The following NEK11 variants were observed in gnomAD, a reference collection of about 807,000 sequenced individuals.
NEK11 encodes serine/threonine-protein kinase Nek11.
NEK11 carries 72 observed loss-of-function variants against 80.7 expected under a neutral mutation model. That is an observed-to-expected ratio of 0.89 (90% CI 0.74 to 1.08). NEK11 has a LOEUF of 1.08. Ranked by LOEUF, NEK11 falls within the 50% of genes least tolerant of loss-of-function variation. NEK11 has a pLI of 0.00. For synonymous variants in NEK11, 251 were observed against 260.7 expected, an observed-to-expected ratio of 0.96 and a Z score of 0.36; for missense variants, 764 against 763.6, an observed-to-expected ratio of 1.00 and a Z score of -0.01.
At chr3:131,046,147 G>A (rs962279379) in intron 3 of NEK11, among the ~76,000 whole-genome samples, 1 of 151,924 alleles carries the variant, frequency 6.6e-6, no homozygotes. Flanking sequence ...TTCCTTATGC[G>A]GTTTGTTGCC....
chr3:131,248,795 T>C (rs771621296), intron 16 of NEK11, among the ~76,000 whole-genome samples: 3 of 152,156 alleles, frequency 2.0e-5, no homozygotes, highest in Non-Finnish European at 2.9e-5. Context: ...CTATTTTGCT[T>C]TTTCCATGTG....
Position 131,152,408 on chromosome 3 carries a change from A to G in NEK11, c.668A>G (p.Tyr223Cys). Residue 223 changes from tyrosine to cysteine, a missense_variant, in exon 8 of 18, where the codon TAT (tyrosine) becomes TGT (cysteine). Physicochemically the swap from Tyr to Cys is radical, Grantham distance 194. Transcript: ENST00000383366. ...SDIWSLACIL[Y>C]EMCCMNHAFA... is the part of the protein sequence containing the mutation. ...TTCAGGTCACTGGCATGCATTTTGT[A>G]TGAGATGTGCTGCATGAATCATGCA... 1 of 1,605,942 alleles carries G rather than the reference A, an allele frequency of 6.2e-7. No individual in the cohort carries two copies. Among genetic ancestry groups the G allele is most frequent in the Non-Finnish European group, 8.5e-7 (1 of 1,177,456 alleles).
intron 4 of NEK11, among the ~76,000 whole-genome samples, chr3:131,087,538 G>A (rs1291805133): frequency 2.0e-5 from 3 of 152,100 alleles, no homozygotes; most frequent in African/African-American, 7.2e-5. Flanking sequence ...CACCGTGCCC[G>A]GCCGCAAATT....
At chr3:131,287,913 A>G (rs2096492684) in intron 17 of NEK11, among the ~76,000 whole-genome samples, 1 of 152,216 alleles carries the variant, frequency 6.6e-6, no homozygotes. Flanking sequence ...TGGACATGAT[A>G]TAGATTTACA....
In NEK11 at chr3:131,313,774, A is replaced by G. The variant is rs528366267; in HGVS notation, c.1719-35783A>G. Among the ~76,000 whole-genome samples, 7 of 152,334 alleles carry G rather than the reference A, an allele frequency of 4.6e-5. No individual in the cohort carries two copies. The South Asian group carries it at 1.2e-3, about 27-fold the overall frequency. On this transcript the variant is annotated intron_variant, in intron 17 of 17. Transcript: ENST00000383366. ...GAATTTTCAAGAAGGGGACTTTACAACAAACACTGCTTTTACAACAGTAGC... is the reference window on the plus strand; with the variant it reads ...GAATTTTCAAGAAGGGGACTTTACAGCAAACACTGCTTTTACAACAGTAGC...
intron 17 of NEK11, among the ~76,000 whole-genome samples, chr3:131,306,820 G>A (rs2096728317): frequency 6.6e-6 from 1 of 152,162 alleles, no homozygotes; most frequent in African/African-American, 2.4e-5. Flanking sequence ...CTGTATAACT[G>A]GGTTTACCTG....
At chr3:131,155,346 A>T (rs2149843840) in intron 10 of NEK11, among the ~76,000 whole-genome samples, 1 of 152,348 alleles carries the variant, frequency 6.6e-6, no homozygotes, top group East Asian at 1.9e-4. Flanking sequence ...CAGCTTACAG[A>T]TCTGCAGGGT....
intron 16 of NEK11, among the ~76,000 whole-genome samples, chr3:131,260,166 T>C (rs1242640101): frequency 1.3e-5 from 2 of 152,060 alleles, no homozygotes; most frequent in Non-Finnish European, 2.9e-5. Flanking sequence ...TTCAACCTTT[T>C]AGAGGGGAAG....
chr3:131,344,486 A>C (rs528442463), intron 17 of NEK11, among the ~76,000 whole-genome samples: 2 of 152,310 alleles, frequency 1.3e-5, no homozygotes, highest in South Asian at 4.1e-4. Context: ...ATTTCTGCCC[A>C]TTACCCAGGT....
chr3:131,114,468 C>A (rs2080698689), intron 5 of NEK11, among the ~76,000 whole-genome samples: 1 of 152,192 alleles, frequency 6.6e-6, no homozygotes, highest in Admixed American at 6.5e-5. Flanking sequence ...TGCAAGTCTG[C>A]TCTACATGTC....
At chr3:131,243,398 A>G (rs368385297) in intron 15 of NEK11, 38 bp from the exon 16 acceptor site, 3 of 1,589,868 alleles carry the variant, frequency 1.9e-6, no homozygotes, top group Non-Finnish European at 8.6e-7. Context: ...TCCTTCTACC[A>G]TACAGGGAAA....
chr3:131,140,396 G>A (rs1486896395), intron 7 of NEK11, among the ~76,000 whole-genome samples: 4 of 152,134 alleles, frequency 2.6e-5, no homozygotes, highest in African/African-American at 4.8e-5. Context: ...AGTGATGTGC[G>A]TGAGCCATTT....
intron 17 of NEK11, among the ~76,000 whole-genome samples, chr3:131,346,016 G>A (rs1197278512): frequency 1.3e-5 from 2 of 151,484 alleles, no homozygotes; most frequent in East Asian, 1.9e-4. Flanking sequence ...ATGAAACAAC[G>A]GTTACCTCAG....
At chr3:131,121,207 T>C (rs1219173791) in intron 5 of NEK11, among the ~76,000 whole-genome samples, 2 of 152,204 alleles carry the variant, frequency 1.3e-5, no homozygotes, top group East Asian at 3.8e-4. Context: ...CTTCTAATAG[T>C]CAGGACCCTC....
At chr3:131,038,006 C>A (rs566654229) in intron 3 of NEK11, among the ~76,000 whole-genome samples, 1 of 152,100 alleles carries the variant, frequency 6.6e-6, no homozygotes, top group South Asian at 2.1e-4. Flanking sequence ...TTGGAAGAAA[C>A]TAATGATTTC....
At chr3:131,260,804 A>C (rs1389432407) in intron 16 of NEK11, among the ~76,000 whole-genome samples, 1 of 152,204 alleles carries the variant, frequency 6.6e-6, no homozygotes, top group Non-Finnish European at 1.5e-5. Flanking sequence ...TAGGAAATTC[A>C]GAGCAAGACG....
At chr3:131,080,380 G>T (rs1415297052) in intron 3 of NEK11, 43 bp from the exon 4 acceptor site, 1 of 1,441,786 alleles carries the variant, frequency 6.9e-7, no homozygotes. Flanking sequence ...TGTTAAATGT[G>T]TTTTTCAGCT....
At chr3:131,276,360 G>A (rs1057158962) in intron 17 of NEK11, among the ~76,000 whole-genome samples, 1 of 152,174 alleles carries the variant, frequency 6.6e-6, no homozygotes, top group African/African-American at 2.4e-5. Context: ...GCTGTGACAT[G>A]GGTCATTAGA....
intron 15 of NEK11, among the ~76,000 whole-genome samples, chr3:131,241,242 G>A (rs72991512): frequency 0.17 from 26,290 of 152,076 alleles, 4,845 homozygotes; most frequent in African/African-American, 0.46. Flanking sequence ...CCTTGACCCA[G>A]TAATTCTATT....
Sources: gnomAD v4.1 joint callset for allele counts (sites outside exome capture counted in the v4.1 genomes callset) on GRCh38, gnomAD v4.1.1 for gene constraint, MANE v1.5 for transcripts, NCBI Gene and HGNC (gene_info 2026-07-23, HGNC 2026-07-21) for gene names.